The following NAT10 variants were observed in gnomAD, a reference collection of about 807,000 sequenced individuals.
The protein encoded by NAT10 is RNA cytidine acetyltransferase.
Under a neutral mutation model 132.2 loss-of-function variants are expected in NAT10, and 109 were observed. That is an observed-to-expected ratio of 0.82 (90% confidence interval 0.71 to 0.97). NAT10 has a LOEUF of 0.97. NAT10 is among the 50% of genes least tolerant of loss of function. The pLI is 0.00. For synonymous variants in NAT10, 479 were observed against 478.0 expected, an observed-to-expected ratio of 1.00 and a Z score of -0.03; for missense variants, 1,184 against 1,263.4, an observed-to-expected ratio of 0.94 and a Z score of 0.95.
chr11:34,108,371 C>T (rs750116770), intron 2 of NAT10, 38 bp downstream of exon 2: 1 of 1,515,734 alleles, frequency 6.6e-7, no homozygotes, highest in Non-Finnish European at 9.2e-7. Flanking sequence ...TACTTTTTAT[C>T]TTGTCCAAAG....
chr11:34,113,593 C>A, intron 4 of NAT10, 123 bp from the exon 5 acceptor site: 1 of 1,201,460 alleles, frequency 8.3e-7, no homozygotes. Context: ...GCCAAGATTG[C>A]GCCACTGCAC....
intron 23 of NAT10, among the ~76,000 whole-genome samples, chr11:34,139,987 T>C (rs923333409): frequency 6.6e-6 from 1 of 152,262 alleles, no homozygotes; most frequent in Non-Finnish European, 1.5e-5. Flanking sequence ...TATATGTGTA[T>C]ATGTGTGTGT....
intron 9 of NAT10, among the ~76,000 whole-genome samples, 178 bp downstream of exon 9, chr11:34,122,770 C>T (rs931054825): frequency 2.6e-5 from 4 of 152,174 alleles, no homozygotes; most frequent in Non-Finnish European, 5.9e-5. Context: ...TTTCCCCAAC[C>T]CACCCTAAAG....
intron 21 of NAT10, 145 bp downstream of exon 21, chr11:34,137,171 C>T: frequency 1.2e-6 from 1 of 812,322 alleles, no homozygotes; most frequent in Non-Finnish European, 2.1e-6. Flanking sequence ...TTCTGATGGA[C>T]ATGGAAACAG....
chr11:34,140,306 G>A, intron 23 of NAT10, 94 bp from the exon 24 acceptor site: 1 of 1,190,052 alleles, frequency 8.4e-7, no homozygotes, highest in Non-Finnish European at 1.2e-6. Context: ...CCTGTTAGAT[G>A]CTCCTGTGTG....
At position 34,134,571 on chromosome 11, in the gene NAT10, C is replaced by T. The variant is rs199524820; in HGVS notation, c.1896C>T (p.His632=). The T allele has an allele frequency of 1.7e-5, 28 of 1,614,124 alleles. No individual in the cohort carries two copies. The African/African-American group carries it at 2.8e-4, about 16-fold the overall frequency. Residue 632 remains histidine (H), a synonymous_variant, in exon 18 of 29, where the codon CAC becomes CAT. Coordinates refer to ENST00000257829, the MANE Select transcript of NAT10 (RefSeq NM_024662.3). ...SGGRVVRIAV[H]PDYQGMGYGS... ...GAAGGGTCGTTCGCATTGCTGTTCA[C>T]CCAGATTATCAAGGGGTAATGTGTC...
At chr11:34,135,968 TG>T (rs1168040582) in intron 19 of NAT10, among the ~76,000 whole-genome samples, 2 of 151,046 alleles carry the variant, frequency 1.3e-5, no homozygotes, top group Non-Finnish European at 2.9e-5. Context: ...TCTCAAGCAA[TG>T]AAAAAAAAAG....
At chr11:34,140,651 T>TG in intron 24 of NAT10, 79 bp downstream of exon 24, 3 of 1,468,360 alleles carry the variant, frequency 2.0e-6, no homozygotes, top group South Asian at 2.6e-5. Flanking sequence ...GTTGGGCACT[T>TG]GGACATAATT....
rs1565113448 is a variant in NAT10, at chr11:34,127,564, C to T, written c.1209C>T (p.Gly403=). Residue 403 remains glycine, a synonymous_variant, in exon 12 of 29, where the codon GGC becomes GGT. Coordinates refer to ENST00000257829, the MANE Select transcript of NAT10 (RefSeq NM_024662.3). ...IPLPLVKSLL[G]PYLVFMASTI... ...TCCCCTTGGTGAAGAGCCTACTTGG[C>T]CCCTACCTTGTTTTCATGGCATCCA... The T allele has an allele frequency of 1.2e-6, 2 of 1,613,688 alleles. No individual in the cohort carries two copies. Among genetic ancestry groups the T allele is most frequent in the Non-Finnish European group, 1.7e-6 (2 of 1,179,594 alleles).
rs752468056 is a variant in NAT10 at position 34,137,071 on chromosome 11, T to C, written c.2211+45T>C. 22 of 1,608,392 alleles carry C rather than the reference T, an allele frequency of 1.4e-5. No individual in the cohort carries two copies. In the South Asian group the frequency reaches 2.0e-4, roughly 14 times the overall value. On this transcript the variant is annotated intron_variant, in intron 21 of 28. Transcript: ENST00000257829. ...GAGGAGAAGTTTAGGTTTACCGTTA[T>C]GGTAGGTGACAGGCCTGTCCTTGCA...
intron 8 of NAT10, 127 bp downstream of exon 8, chr11:34,118,630 T>C: frequency 1.5e-6 from 1 of 671,248 alleles, no homozygotes; most frequent in Non-Finnish European, 2.5e-6. Context: ...TTCCCCTTGC[T>C]CATACTCGTG....
chr11:34,108,954 A>T, intron 3 of NAT10, 121 bp downstream of exon 3: 1 of 760,964 alleles, frequency 1.3e-6, no homozygotes. Context: ...ATCTCTGAGG[A>T]CAAATGGAGC....
rs34445882 is a variant in NAT10, at chr11:34,113,636, CAAAAAAAAAA to C, written c.373-65_373-56del. ...TGGGCGACAGAGCAAGACTCCATCT[CAAAAAAAAAA>C]AAAAAAAAAAAAAAGTCCTTTGGGT... On this transcript the variant is annotated intron_variant, in intron 4 of 28. Coordinates refer to ENST00000257829, the MANE Select transcript of NAT10 (RefSeq NM_024662.3). 6.6e-4 allele frequency: 599 copies of C among 906,864 alleles called. 4 individuals carry two copies. In the East Asian group the frequency reaches 0.026, roughly 40 times the overall value. The allele number at this position is 906,864 out of a possible 1,614,324, so 56.2% of individuals were successfully genotyped here.
intron 28 of NAT10, among the ~76,000 whole-genome samples, chr11:34,145,029 C>T (rs1213283999): frequency 6.6e-6 from 1 of 152,162 alleles, no homozygotes; most frequent in Admixed American, 6.5e-5. Flanking sequence ...GCACAGAAGC[C>T]CACTGTCAGT....
At chr11:34,134,655 C>A (rs975827854) in intron 18 of NAT10, 69 bp downstream of exon 18, 17 of 1,391,870 alleles carry the variant, frequency 1.2e-5, no homozygotes, top group Non-Finnish European at 1.5e-5. Flanking sequence ...TACTTGGTGG[C>A]TGGAATAAGA....
At chr11:34,133,504 G>GGA (rs1852144829) in intron 16 of NAT10, among the ~76,000 whole-genome samples, 1 of 152,142 alleles carries the variant, frequency 6.6e-6, no homozygotes, top group Admixed American at 6.5e-5. Flanking sequence ...TGCCTAGCAT[G>GGA]GATGTATTTA....
intron 3 of NAT10, among the ~76,000 whole-genome samples, chr11:34,111,718 G>T (rs1851698300): frequency 6.6e-6 from 1 of 152,216 alleles, no homozygotes. Context: ...CTGAGATAAT[G>T]AGGCCACTCA....
intron 20 of NAT10, 92 bp downstream of exon 20, chr11:34,136,867 G>A (rs1417122307): frequency 1.2e-5 from 19 of 1,610,468 alleles, no homozygotes; most frequent in Admixed American, 6.7e-5. Context: ...AGCTGGTATC[G>A]GTGCTAGCCT....
intron 21 of NAT10, 154 bp from the exon 22 acceptor site, chr11:34,139,037 G>A (rs1852269667): frequency 1.6e-6 from 1 of 626,596 alleles, no homozygotes; most frequent in Non-Finnish European, 2.8e-6. Flanking sequence ...GAAGGCGAGG[G>A]CTGTTTGAGA....
Sources: gnomAD v4.1 joint callset for allele counts (sites outside exome capture counted in the v4.1 genomes callset) on GRCh38, gnomAD v4.1.1 for gene constraint, MANE v1.5 for transcripts, NCBI Gene and HGNC (gene_info 2026-07-23, HGNC 2026-07-21) for gene names.